The following TBC1D19 variants were observed in gnomAD, a reference collection of about 807,000 sequenced individuals.
TBC1D19 encodes TBC1 domain family, member 19.
Under a neutral mutation model 89.0 loss-of-function variants are expected in TBC1D19, and 60 were observed. The ratio of observed to expected loss-of-function variants is 0.67; its 90% confidence interval spans 0.55 to 0.84. TBC1D19 has a LOEUF of 0.84. Ranked by LOEUF, TBC1D19 falls within the 40% of genes least tolerant of loss-of-function variation. The pLI, the probability that TBC1D19 is intolerant of heterozygous loss-of-function variation, is 0.00. For missense variants in TBC1D19, 500 were observed against 610.8 expected (o/e 0.82, Z 1.91); for synonymous variants, 189 against 199.7 (o/e 0.95, Z 0.45).
chr4:26,649,625 T>C (rs535121081), intron 7 of TBC1D19, among the ~76,000 whole-genome samples: 15 of 152,336 alleles, frequency 9.8e-5, no homozygotes, highest in African/African-American at 3.4e-4. Flanking sequence ...CATATGTTTA[T>C]TGTATAACCA....
At chr4:26,597,793 A>G (rs921665430) in intron 1 of TBC1D19, among the ~76,000 whole-genome samples, 17 of 151,858 alleles carry the variant, frequency 1.1e-4, no homozygotes, top group African/African-American at 3.9e-4. Flanking sequence ...TTCTTATTTG[A>G]TATACTTCAT....
chr4:26,651,115 G>A (rs1262553155), intron 7 of TBC1D19, among the ~76,000 whole-genome samples: 1 of 152,156 alleles, frequency 6.6e-6, no homozygotes, highest in Non-Finnish European at 1.5e-5. Flanking sequence ...TTTGGTTACT[G>A]TAGCCTTGTA....
At chr4:26,819,629 T>G in the TBC1D19 span, among the ~76,000 whole-genome samples, 1 of 152,204 alleles carries the variant, frequency 6.6e-6, no homozygotes, top group Non-Finnish European at 1.5e-5. Flanking sequence ...GTGCTCAACA[T>G]TGTGACCACA....
the TBC1D19 span, among the ~76,000 whole-genome samples, chr4:26,842,584 C>CTTCCTTCCTT: frequency 2.3e-5 from 1 of 43,052 alleles, no homozygotes; most frequent in Non-Finnish European, 4.2e-5. Flanking sequence ...TCCTCCCTCC[C>CTTCCTTCCTT]TTTCTTTCTT....
chr4:26,839,870 G>A, the TBC1D19 span, among the ~76,000 whole-genome samples: 615 of 152,280 alleles, frequency 4.0e-3, 7 homozygotes, highest in African/African-American at 0.014. Context: ...GTGAAGCTGG[G>A]TTTGGTATTG....
chr4:26,649,839 T>A (rs1744221624), intron 7 of TBC1D19, among the ~76,000 whole-genome samples: 1 of 152,114 alleles, frequency 6.6e-6, no homozygotes, highest in African/African-American at 2.4e-5. Context: ...ATTAGGTATA[T>A]CTCCTAATGC....
At chr4:26,647,610 C>G (rs1450508066) in intron 7 of TBC1D19, among the ~76,000 whole-genome samples, 1 of 152,140 alleles carries the variant, frequency 6.6e-6, no homozygotes, top group Admixed American at 6.6e-5. Context: ...TCTTATTCTA[C>G]TTATTAAATA....
intron 1 of TBC1D19, among the ~76,000 whole-genome samples, chr4:26,591,951 C>T (rs1166344567): frequency 7.2e-5 from 11 of 152,180 alleles, no homozygotes; most frequent in Non-Finnish European, 1.0e-4. Context: ...CTATTCCAAT[C>T]AATAGAAAAA....
intron 1 of TBC1D19, among the ~76,000 whole-genome samples, chr4:26,607,787 T>C (rs1432339245): frequency 1.3e-5 from 2 of 152,246 alleles, no homozygotes; most frequent in Admixed American, 1.3e-4. Flanking sequence ...GTTTCTCTTA[T>C]CTTTTGTCGT....
chr4:26,733,769 AAAG>A (rs1717805447), intron 15 of TBC1D19, among the ~76,000 whole-genome samples: 1 of 152,240 alleles, frequency 6.6e-6, no homozygotes, highest in African/African-American at 2.4e-5. Flanking sequence ...GTGGTTCACC[AAAG>A]AAGAAATGTA....
chr4:26,841,385 C>G, the TBC1D19 span, among the ~76,000 whole-genome samples: 1 of 110,300 alleles, frequency 9.1e-6, no homozygotes, highest in African/African-American at 3.6e-5. Flanking sequence ...GACTCTGTCT[C>G]AAAAAAAAAA....
At chr4:26,673,444 T>TAGACACAC (rs149722432) in intron 10 of TBC1D19, among the ~76,000 whole-genome samples, 2 of 78,362 alleles carry the variant, frequency 2.6e-5, no homozygotes, top group Non-Finnish European at 4.9e-5. Flanking sequence ...TATATATATA[T>TAGACACAC]ATACACACAC....
chr4:26,742,246 C>G (rs1026271966), intron 17 of TBC1D19, among the ~76,000 whole-genome samples: 3 of 152,108 alleles, frequency 2.0e-5, no homozygotes, highest in Admixed American at 2.0e-4. Flanking sequence ...ATATTATATA[C>G]TGGTTTATGT....
chr4:26,659,065 AC>A (rs1346650898), intron 7 of TBC1D19, among the ~76,000 whole-genome samples: 1 of 152,122 alleles, frequency 6.6e-6, no homozygotes, highest in Non-Finnish European at 1.5e-5. Flanking sequence ...CTATTTGAAT[AC>A]CCTTTATTTC....
intron 15 of TBC1D19, among the ~76,000 whole-genome samples, chr4:26,732,820 G>A (rs1717747573): frequency 6.6e-6 from 1 of 152,082 alleles, no homozygotes; most frequent in South Asian, 2.1e-4. Flanking sequence ...AAGATGTTGG[G>A]TGAAAAAGAA....
the TBC1D19 span, among the ~76,000 whole-genome samples, chr4:26,822,257 G>A: frequency 1.3e-5 from 2 of 152,358 alleles, no homozygotes; most frequent in East Asian, 1.9e-4. Context: ...GAGATGAAAA[G>A]AAAACATCTC....
intron 1 of TBC1D19, among the ~76,000 whole-genome samples, chr4:26,577,137 G>T (rs1235527901): frequency 6.6e-6 from 1 of 152,106 alleles, no homozygotes; most frequent in African/African-American, 2.4e-5. Flanking sequence ...CAGCCTGCTG[G>T]TCTGTCCTAT....
chr4:26,853,152 A>G, the TBC1D19 span, among the ~76,000 whole-genome samples: 5 of 152,148 alleles, frequency 3.3e-5, no homozygotes, highest in African/African-American at 7.2e-5. Flanking sequence ...TCTGGCCCCT[A>G]TCACTTTTCT....
chr4:26,606,889 C>T (rs1175820884), intron 1 of TBC1D19, among the ~76,000 whole-genome samples: 1 of 152,196 alleles, frequency 6.6e-6, no homozygotes. Context: ...TTAGCCTCAG[C>T]TTACTTCGCA....
Sources: gnomAD v4.1 joint callset for allele counts (sites outside exome capture counted in the v4.1 genomes callset) on GRCh38, gnomAD v4.1.1 for gene constraint, MANE v1.5 for transcripts, NCBI Gene and HGNC (gene_info 2026-07-23, HGNC 2026-07-21) for gene names.